C22orf23: variants seen among roughly 807,000 people sequenced by gnomAD.
C22orf23 encodes chromosome 22 open reading frame 23.
C22orf23 carries 30 observed loss-of-function variants against 29.7 expected under a neutral mutation model. The observed-to-expected ratio is 1.01, with a 90% CI of 0.76 to 1.37. The LOEUF (loss-of-function observed/expected upper bound fraction) is 1.37, where lower values mean the gene tolerates loss of function less well. Ranked by LOEUF, C22orf23 falls within the 40% of genes most tolerant of loss-of-function variation. The pLI is 0.00. For missense variants in C22orf23, 237 were observed against 273.1 expected, an observed-to-expected ratio of 0.87 and a Z score of 0.93; for synonymous variants, 90 against 96.1, an observed-to-expected ratio of 0.94 and a Z score of 0.37.
rs767215766 is a variant in C22orf23, at chr22:37,944,477, G to A, written c.522C>T (p.Asp174=). 19 of 1,614,034 alleles carry A rather than the reference G, an allele frequency of 1.2e-5. No homozygotes were observed. Among genetic ancestry groups the A allele is most frequent in the Non-Finnish European group, 1.3e-5 (15 of 1,180,058 alleles). The change falls in exon 6 of 7, where the codon GAC becomes GAT. Residue 174 remains aspartate (D), a synonymous_variant. Coordinates refer to ENST00000403305, the MANE Select transcript of C22orf23 (RefSeq NM_032561.5). ...EIQERKEFLA[D]MEALGQGKQY... ...GTTTGCCCTGTCCCAGGGCCTCCAT[G>A]TCAGCCAGGAATTCTTTCCTCTCCT...
chr22:37,951,986 T>A (rs1931070552), intron 2 of C22orf23, among the ~76,000 whole-genome samples: 1 of 151,828 alleles, frequency 6.6e-6, no homozygotes, highest in Admixed American at 6.6e-5. Flanking sequence ...CGGCTAATTT[T>A]GTACTTTTAG....
chr22:37,947,177 T>G, intron 4 of C22orf23, 104 bp downstream of exon 4: 2 of 1,224,970 alleles, frequency 1.6e-6, no homozygotes, highest in Non-Finnish European at 2.4e-6. Context: ...TGCATGGGGA[T>G]TTGATTAGCT....
chr22:37,952,409 G>A (rs1299534343), intron 2 of C22orf23, among the ~76,000 whole-genome samples: 2 of 152,142 alleles, frequency 1.3e-5, no homozygotes, highest in Admixed American at 6.6e-5. Flanking sequence ...CTGTGGTGGT[G>A]AGGAGCAGAA....
At chr22:37,951,797 CTTTTTTTTTTTTTTTTTTTTTTTT>C (rs551481283) in intron 2 of C22orf23, 2 of 38,742 alleles carry the variant, frequency 5.2e-5, no homozygotes, top group East Asian at 1.1e-3. Context: ...TCCTCTTTCT[CTTTTTTTTTTTTTTTTTTTTTTTT>C]TTTTTTTTTT....
rs1930773162 is a variant in C22orf23 at position 37,947,501 on chromosome 22, GCT to G, written c.167-40_167-39del. 1.3e-4 allele frequency: 122 copies of G among 974,006 alleles called. 1 individual carries two copies. Among genetic ancestry groups the G allele is most frequent in the South Asian group, 6.8e-4 (31 of 45,706 alleles). 60.3% of individuals were successfully genotyped at this position (974,006 alleles called of 1,614,324 possible). A position where few individuals can be genotyped will look rare whatever the true frequency, so the allele number is the denominator to read the frequency against. ...GAGTTGGGGTGGGAGGACCCACATG[GCT>G]TTTTTTTTTTTTTTTTTTTTTTTTT... is the stretch of plus-strand genomic sequence containing the variant. On this transcript the variant is annotated intron_variant, in intron 3 of 6. Coordinates refer to ENST00000403305, the MANE Select transcript of C22orf23 (RefSeq NM_032561.5).
rs764947485 is a variant in C22orf23, at chr22:37,951,447, G to T, written c.166+13C>A. On this transcript the variant is annotated intron_variant, in intron 3 of 6. Coordinates refer to ENST00000403305, the MANE Select transcript of C22orf23 (RefSeq NM_032561.5). ...TCCCTCTGTCCAGGAAGCCTCTGTG[G>T]ACTGCCCCTTACTTTTCATGATGTC... 2 of 1,612,568 alleles carry T rather than the reference G, an allele frequency of 1.2e-6. No homozygotes were observed. Among genetic ancestry groups the T allele is most frequent in the South Asian group, 1.1e-5 (1 of 91,054 alleles).
intron 2 of C22orf23, 183 bp downstream of exon 2, chr22:37,952,864 C>T: frequency 1.8e-6 from 1 of 554,438 alleles, no homozygotes; most frequent in Non-Finnish European, 3.2e-6. Context: ...CTATTGTGAA[C>T]TGCGCACGCG....
chr22:37,952,235 C>G (rs1931091950), intron 2 of C22orf23, among the ~76,000 whole-genome samples: 1 of 152,166 alleles, frequency 6.6e-6, no homozygotes, highest in African/African-American at 2.4e-5. Context: ...ACTTGTTCAT[C>G]ATGTTTCAGG....
In C22orf23 at chr22:37,943,262, C is replaced by T. The variant is rs1930508613; in HGVS notation, c.*913G>A. ...GTACAGGACAAGGTGTCAGGTGACTCCTTCCCAGCAGGGCCTCGCAGATGC... is the reference window on the plus strand; with the variant it reads ...GTACAGGACAAGGTGTCAGGTGACTTCTTCCCAGCAGGGCCTCGCAGATGC... On this transcript the variant is annotated 3_prime_UTR_variant, in exon 7 of 7. Coordinates refer to ENST00000403305, the MANE Select transcript of C22orf23 (RefSeq NM_032561.5). The T allele has an allele frequency of 1.3e-5, 2 of 152,162 alleles. No individual in the cohort carries two copies. Among genetic ancestry groups the T allele is most frequent in the Admixed American group, 6.6e-5 (1 of 15,256 alleles). 9.4% of individuals were successfully genotyped at this position (152,162 alleles called of 1,614,324 possible). A position where few individuals can be genotyped will look rare whatever the true frequency, so the allele number is the denominator to read the frequency against.
At chr22:37,950,006 G>T (rs1415549759) in intron 3 of C22orf23, among the ~76,000 whole-genome samples, 1 of 151,772 alleles carries the variant, frequency 6.6e-6, no homozygotes, top group Non-Finnish European at 1.5e-5. Flanking sequence ...TATGTGTTTT[G>T]CCAGGCTGGT....
intron 5 of C22orf23, chr22:37,944,817 T>C (rs1930597868): frequency 1.7e-6 from 1 of 585,178 alleles, no homozygotes; most frequent in Admixed American, 3.3e-5. Context: ...GAGGGATTGC[T>C]TGAACCTGGG....
Position 37,951,472 on chromosome 22 carries a change from C to A in C22orf23, c.154G>T (p.Asp52Tyr), listed in dbSNP as rs1252276560. 1.9e-6 allele frequency: 3 copies of A among 1,613,898 alleles called. No individual in the cohort carries two copies. Among genetic ancestry groups the A allele is most frequent in the Non-Finnish European group, 2.5e-6 (3 of 1,179,964 alleles). The change falls in exon 3 of 7, where the codon GAC (aspartate) becomes TAC (tyrosine). Residue 52 changes from aspartate (D) to tyrosine (Y), a missense_variant. Physicochemically the swap from Asp to Tyr is radical, Grantham distance 160. Transcript: ENST00000403305. The part of the protein sequence containing the change: ...LTNIQQRHIM[D>Y]IMKRGDALPL... ...GACTGCCCCTTACTTTTCATGATGT[C>A]CATGATGTGGCGCTGCTGGATGTTC...
In C22orf23 at chr22:37,947,346, C is replaced by G. The variant is rs145913018; in HGVS notation, c.284G>C (p.Arg95Pro). ...ATTGGCTTGACACATGTTGGCAGGCCGGAGGTGGGGACGGGCTGCGAGGAT... is the reference window on the plus strand; with the variant it reads ...ATTGGCTTGACACATGTTGGCAGGCGGGAGGTGGGGACGGGCTGCGAGGAT... ...PPILAARPHLRPANMCQANGA... is the reference protein window; with the variant it reads ...PPILAARPHLPPANMCQANGA... Residue 95 changes from arginine (R) to proline (P), a missense_variant, in exon 4 of 7, where the codon CGG (arginine) becomes CCG (proline). Physicochemically the swap from Arg to Pro is moderately radical, Grantham distance 103. Transcript: ENST00000403305. 2 of 1,613,740 alleles carry G rather than the reference C, an allele frequency of 1.2e-6. No homozygotes were observed. The highest frequency in any genetic ancestry group is 1.7e-6 in the Non-Finnish European group (2 of 1,179,940).
chr22:37,947,499 TG>T, intron 3 of C22orf23, 36 bp from the exon 4 acceptor site: 1 of 909,052 alleles, frequency 1.1e-6, no homozygotes, highest in South Asian at 2.1e-5. Flanking sequence ...AGGACCCACA[TG>T]GCTTTTTTTT....
Position 37,944,215 on chromosome 22 carries a change from C to CTG in C22orf23, c.612_613dup (p.Arg205ThrfsTer56). On this transcript the variant is annotated frameshift_variant, in exon 7 of 7. Transcript: ENST00000403305. LOFTEE classifies it high-confidence loss of function. ...ACCCTTCCTAAGTTCCTCACTCCTT[C>CTG]TGTGGTCAATGTCTTCCATTTCCCG... The CTG allele has an allele frequency of 6.2e-7, 1 of 1,614,224 alleles. No homozygotes were observed. Among genetic ancestry groups the CTG allele is most frequent in the Non-Finnish European group, 8.5e-7 (1 of 1,180,034 alleles).
At position 37,951,512 on chromosome 22, in the gene C22orf23, C is replaced by T. The variant is rs766365932; in HGVS notation, c.114G>A (p.Lys38=). ...GCTGGATGTTCGTCAGTTTGGATTC[C>T]TTCATCATCACTGCACGACAAAGCA... is the stretch of plus-strand genomic sequence containing the variant. ...GTCELLRVMM[K]ESKLTNIQQR... is the part of the protein sequence containing the mutation. Residue 38 remains lysine (K), a synonymous_variant, in exon 3 of 7, where the codon AAG becomes AAA. Transcript: ENST00000403305. The T allele has an allele frequency of 6.2e-7, 1 of 1,613,908 alleles. No homozygotes were observed. Among genetic ancestry groups the T allele is most frequent in the Admixed American group, 1.7e-5 (1 of 59,976 alleles).
At chr22:37,950,872 C>T (rs866364548) in intron 3 of C22orf23, 1 of 152,714 alleles carries the variant, frequency 6.5e-6, no homozygotes, top group African/African-American at 2.4e-5. Context: ...TGCCACTGCA[C>T]TCCAGCCTGG....
chr22:37,944,235 T>C lies in C22orf23; in HGVS notation c.594A>G (p.Glu198=). Residue 198 remains glutamate, a synonymous_variant, in exon 7 of 7, where the codon GAA becomes GAG. Coordinates refer to ENST00000403305, the MANE Select transcript of C22orf23 (RefSeq NM_032561.5). ...ILAEISQKLR[E]MEDIDHRRSE... ...TCCTTCTGTGGTCAATGTCTTCCAT[T>C]TCCCGGAGTTTCTGCAAAGGGCATC... 4 of 1,614,228 alleles carry C rather than the reference T, an allele frequency of 2.5e-6. No homozygotes were observed. The highest frequency in any genetic ancestry group is 1.1e-5 in the South Asian group (1 of 91,086).
chr22:37,951,578 T>A, intron 2 of C22orf23, 56 bp from the exon 3 acceptor site: 1 of 1,462,188 alleles, frequency 6.8e-7, no homozygotes, highest in East Asian at 2.3e-5. Context: ...TGCCTTCACC[T>A]GACACCCTAC....
Sources: gnomAD v4.1 joint callset for allele counts (sites outside exome capture counted in the v4.1 genomes callset) on GRCh38, gnomAD v4.1.1 for gene constraint, MANE v1.5 for transcripts, NCBI Gene and HGNC (gene_info 2026-07-23, HGNC 2026-07-21) for gene names.